The following SPTBN1 variants were observed in gnomAD, a reference collection of about 807,000 sequenced individuals.
The protein encoded by SPTBN1 is spectrin beta, non-erythrocytic 1.
Under a neutral mutation model 266.4 loss-of-function variants are expected in SPTBN1, and 32 were observed. The ratio of observed to expected loss-of-function variants is 0.12; its 90% CI spans 0.09 to 0.16. The LOEUF (loss-of-function observed/expected upper bound fraction) is 0.16. Among genes scored for constraint, SPTBN1 ranks in the 10% least tolerant of loss-of-function variants. The pLI, the probability that SPTBN1 is intolerant of heterozygous loss-of-function variation, is 1.00. For missense variants in SPTBN1, 2,296 were observed against 3,067.1 expected (o/e 0.75, Z 5.94); for synonymous variants, 1,336 against 1,162.2 (o/e 1.15, Z -3.04).
chr2:54,464,021 A>T (rs1038254220), intron 1 of SPTBN1, among the ~76,000 whole-genome samples: 9 of 152,326 alleles, frequency 5.9e-5, no homozygotes, highest in Non-Finnish European at 8.8e-5. Flanking sequence ...TAATTTTTCC[A>T]CTTAATGGAT....
intron 2 of SPTBN1, among the ~76,000 whole-genome samples, chr2:54,542,314 A>T (rs1256528672): frequency 6.6e-6 from 1 of 152,238 alleles, no homozygotes; most frequent in Non-Finnish European, 1.5e-5. Flanking sequence ...CTATGTCGAG[A>T]TGCCATGAGA....
intron 2 of SPTBN1, among the ~76,000 whole-genome samples, chr2:54,586,140 G>A (rs1300931472): frequency 6.6e-6 from 1 of 152,192 alleles, no homozygotes; most frequent in African/African-American, 2.4e-5. Context: ...TCCAAGTGTG[G>A]TTTGGAGACG....
At chr2:54,536,903 C>A (rs1671639414) in intron 2 of SPTBN1, among the ~76,000 whole-genome samples, 1 of 152,160 alleles carries the variant, frequency 6.6e-6, no homozygotes, top group Non-Finnish European at 1.5e-5. Flanking sequence ...CACAGTGGCA[C>A]ACACCTATAG....
At chr2:54,542,938 A>G (rs1672020510) in intron 2 of SPTBN1, among the ~76,000 whole-genome samples, 2 of 152,020 alleles carry the variant, frequency 1.3e-5, no homozygotes, top group African/African-American at 4.8e-5. Context: ...AGTTTTTAGG[A>G]TTATGTTTTT....
In SPTBN1 at chr2:54,670,799, C is replaced by A; in HGVS notation, c.*2230C>A. Reference sequence around the variant, plus strand: ...TGGTGGTATTTGCTCTCTCTTGGTGCATTTGATAAGGATCCACTGAGGCCT... The same window carrying A: ...TGGTGGTATTTGCTCTCTCTTGGTGAATTTGATAAGGATCCACTGAGGCCT... On this transcript the variant is annotated 3_prime_UTR_variant, in exon 36 of 36. Transcript: ENST00000356805. 1 of 398,508 alleles carries A rather than the reference C, an allele frequency of 2.5e-6. No homozygotes were observed. The highest frequency in any genetic ancestry group is 4.4e-6 in the Non-Finnish European group (1 of 226,044). The allele number at this position is 398,508 out of a possible 1,614,324, so 24.7% of individuals were successfully genotyped here. A position where few individuals can be genotyped will look rare whatever the true frequency, so the allele number is the denominator to read the frequency against.
chr2:54,660,675 C>T, intron 32 of SPTBN1: 5 of 985,428 alleles, frequency 5.1e-6, no homozygotes, highest in Non-Finnish European at 3.6e-6. Context: ...CATTTTGAGA[C>T]CCTTGGGTCA....
intron 2 of SPTBN1, among the ~76,000 whole-genome samples, chr2:54,561,935 T>A (rs1673337245): frequency 6.6e-6 from 1 of 150,454 alleles, no homozygotes; most frequent in Non-Finnish European, 1.5e-5. Flanking sequence ...CGAAGCCTCC[T>A]GGCATAAGAA....
chr2:54,457,159 C>CCG (rs972776706), intron 1 of SPTBN1: 4 of 133,912 alleles, frequency 3.0e-5, no homozygotes, highest in Non-Finnish European at 6.5e-5. Flanking sequence ...GCCCGCCCCC[C>CCG]CCCCGCCCTT....
rs1239195444 is a variant in SPTBN1, at chr2:54,653,411, T to A, written c.5578-198T>A. On this transcript the variant is annotated intron_variant, in intron 26 of 35. Transcript: ENST00000356805. The surrounding 1 kb of genome is among the most constrained non-coding windows in gnomAD (Gnocchi z 5.1). ...TTATCATTCATAAAGAACTTAATAA[T>A]GTAGTTGAACAGATTTATAGAAAAC... The A allele has an allele frequency of 1.7e-5, 12 of 696,202 alleles. No individual in the cohort carries two copies. The highest frequency in any genetic ancestry group is 1.6e-5 in the Non-Finnish European group (7 of 443,894). The allele number at this position is 696,202 out of a possible 1,614,324, so 43.1% of individuals were successfully genotyped here. A position where few individuals can be genotyped will look rare whatever the true frequency, so the allele number is the denominator to read the frequency against.
intron 1 of SPTBN1, among the ~76,000 whole-genome samples, chr2:54,459,095 A>G (rs1693224851): frequency 1.3e-5 from 2 of 152,336 alleles, no homozygotes; most frequent in South Asian, 4.1e-4. Context: ...TGTAAGAAAT[A>G]TCCTGTGTTG....
chr2:54,580,842 A>G (rs947460290), intron 2 of SPTBN1, among the ~76,000 whole-genome samples: 2 of 152,140 alleles, frequency 1.3e-5, no homozygotes, highest in African/African-American at 2.4e-5. Flanking sequence ...TCATCCCTGT[A>G]ATTCCAGCAT....
At chr2:54,482,401 G>T (rs1668146390) in intron 1 of SPTBN1, among the ~76,000 whole-genome samples, 1 of 151,796 alleles carries the variant, frequency 6.6e-6, no homozygotes, top group Non-Finnish European at 1.5e-5. Context: ...GAGAAAAAAT[G>T]CAGATGTCTG....
At chr2:54,656,022 G>T in intron 29 of SPTBN1, 24 bp downstream of exon 29, 1 of 1,577,850 alleles carries the variant, frequency 6.3e-7, no homozygotes, top group Non-Finnish European at 8.7e-7. Context: ...TTATCTTTCT[G>T]CTCTTTTGGG....
chr2:54,615,242 T>C (rs570486491), intron 4 of SPTBN1, among the ~76,000 whole-genome samples: 27 of 152,334 alleles, frequency 1.8e-4, no homozygotes, highest in African/African-American at 6.3e-4. Context: ...TTCTCTGTTT[T>C]TCAAAAAGAA....
At chr2:54,498,411 T>C (rs921254653) in intron 1 of SPTBN1, among the ~76,000 whole-genome samples, 4 of 152,340 alleles carry the variant, frequency 2.6e-5, no homozygotes, top group Admixed American at 2.6e-4. Context: ...GAAGCTAGAC[T>C]ACTTGGGTTC....
At chr2:54,491,165 T>G (rs1668665352) in intron 1 of SPTBN1, among the ~76,000 whole-genome samples, 1 of 152,196 alleles carries the variant, frequency 6.6e-6, no homozygotes, top group South Asian at 2.1e-4. Context: ...AGGTTAGACT[T>G]TGTAAATTTT....
intron 3 of SPTBN1, among the ~76,000 whole-genome samples, chr2:54,610,937 T>G (rs1558425617): frequency 6.6e-6 from 1 of 152,232 alleles, no homozygotes; most frequent in Non-Finnish European, 1.5e-5. Flanking sequence ...TGGAGATGAT[T>G]AGCATCATAG....
In SPTBN1 at chr2:54,525,369, C is replaced by T. The variant is rs1461700374; in HGVS notation, c.-47-1003C>T. ...CAAGCAATTTTCCAGCCTTGGCCTC[C>T]CAAGTAGCTGGGATTATAGGCATGC... On this transcript the variant is annotated intron_variant, in intron 1 of 35. Coordinates refer to ENST00000356805, the MANE Select transcript of SPTBN1 (RefSeq NM_003128.3). Among the ~76,000 whole-genome samples, 3 of 152,256 alleles carry T rather than the reference C, an allele frequency of 2.0e-5. No individual in the cohort carries two copies. The East Asian group carries it at 5.8e-4, about 29-fold the overall frequency.
At chr2:54,510,769 A>T (rs941340584) in intron 1 of SPTBN1, among the ~76,000 whole-genome samples, 1 of 152,242 alleles carries the variant, frequency 6.6e-6, no homozygotes, top group Non-Finnish European at 1.5e-5. Flanking sequence ...GAGATTTTAA[A>T]GAAATTCAGA....
Sources: allele counts gnomAD v4.1 joint callset (sites outside exome capture counted in the v4.1 genomes callset), GRCh38; gene constraint gnomAD v4.1.1; non-coding constraint Gnocchi (gnomAD v3.1); transcripts MANE v1.5; gene names NCBI Gene and HGNC (gene_info 2026-07-23, HGNC 2026-07-21).